GALNTL6: variants seen among roughly 807,000 people sequenced by gnomAD.
GALNTL6 encodes polypeptide N-acetylgalactosaminyltransferase like 6.
GALNTL6 carries 46 observed loss-of-function variants against 73.7 expected under a neutral mutation model. The observed-to-expected ratio is 0.62, with a 90% CI of 0.49 to 0.80. GALNTL6 has a LOEUF of 0.80. Ranked by LOEUF, GALNTL6 falls within the 30% of genes least tolerant of loss-of-function variation. The pLI is 0.00. For missense variants in GALNTL6, 604 were observed against 755.0 expected (o/e 0.80, Z 2.34); for synonymous variants, 259 against 263.7 (o/e 0.98, Z 0.17).
chr4:172,862,467 G>T (rs1202446293), intron 7 of GALNTL6, among the ~76,000 whole-genome samples: 1 of 152,206 alleles, frequency 6.6e-6, no homozygotes, highest in Non-Finnish European at 1.5e-5. Flanking sequence ...GGGAGGCCAA[G>T]ATGGGTGGAT....
intron 5 of GALNTL6, among the ~76,000 whole-genome samples, chr4:172,731,722 C>A (rs1736159561): frequency 1.3e-5 from 2 of 151,934 alleles, no homozygotes; most frequent in Admixed American, 1.3e-4. Flanking sequence ...TAGCTGTATT[C>A]CATAGAGTTT....
intron 7 of GALNTL6, among the ~76,000 whole-genome samples, chr4:172,868,851 A>T (rs1477096064): frequency 6.6e-6 from 1 of 152,124 alleles, no homozygotes; most frequent in Non-Finnish European, 1.5e-5. Context: ...TTTCCTTTTC[A>T]CTTTTCTTTC....
intron 5 of GALNTL6, among the ~76,000 whole-genome samples, chr4:172,725,419 C>T (rs1460090062): frequency 6.6e-6 from 1 of 152,172 alleles, no homozygotes; most frequent in Non-Finnish European, 1.5e-5. Context: ...TACTCCTAAA[C>T]TTAGCTTTGA....
At chr4:172,177,811 A>ATGTGTGTGTATATATACACACACATATG (rs1560955607) in intron 2 of GALNTL6, among the ~76,000 whole-genome samples, 1 of 135,410 alleles carries the variant, frequency 7.4e-6, no homozygotes, top group Non-Finnish European at 1.5e-5. Context: ...ACACACATAT[A>ATGTGTGTGTATATATACACACACATATG]TGTGTGTGTA....
At chr4:172,812,585 C>T (rs1045529157) in intron 6 of GALNTL6, among the ~76,000 whole-genome samples, 34 of 150,466 alleles carry the variant, frequency 2.3e-4, no homozygotes, top group African/African-American at 8.1e-4. Context: ...CTTAGCCACA[C>T]AGGAAAGGAA....
chr4:172,127,855 C>A (rs921063838), intron 2 of GALNTL6, among the ~76,000 whole-genome samples: 10 of 152,136 alleles, frequency 6.6e-5, no homozygotes, highest in Admixed American at 5.9e-4. Flanking sequence ...GAAATCCCAG[C>A]ACTTCGGGAG....
chr4:172,177,819 G>GTATATATACACATGTGTA (rs1554000104), intron 2 of GALNTL6, among the ~76,000 whole-genome samples: 589 of 130,924 alleles, frequency 4.5e-3, no homozygotes, highest in African/African-American at 6.5e-3. Context: ...ATATGTGTGT[G>GTATATATACACATGTGTA]TATATATACA....
rs1467603211 is a variant in GALNTL6 at position 172,844,204 on chromosome 4, C to T, written c.923+30481C>T. ...GAGCCATGTTCAACGTGCTTTCTGACAGAGAAAGTAACGTTTTCCACGGTG... is the reference window on the plus strand; with the variant it reads ...GAGCCATGTTCAACGTGCTTTCTGATAGAGAAAGTAACGTTTTCCACGGTG... On this transcript the variant is annotated intron_variant, in intron 7 of 12. Transcript: ENST00000506823. Among the ~76,000 whole-genome samples the T allele has an allele frequency of 2.6e-5, 4 of 152,188 alleles. No homozygotes were observed. The South Asian group carries it at 8.3e-4, about 32-fold the overall frequency.
intron 7 of GALNTL6, among the ~76,000 whole-genome samples, chr4:172,834,819 G>T (rs1292935343): frequency 6.6e-6 from 1 of 152,234 alleles, no homozygotes. Context: ...AGGGAGAAAT[G>T]GTGATATGAG....
intron 5 of GALNTL6, among the ~76,000 whole-genome samples, chr4:172,368,782 G>A (rs937223571): frequency 4.6e-5 from 7 of 152,198 alleles, no homozygotes; most frequent in Non-Finnish European, 1.0e-4. Flanking sequence ...GAATGAAGCC[G>A]CGGACCCTTG....
chr4:172,372,256 G>A (rs1024861178), intron 5 of GALNTL6, among the ~76,000 whole-genome samples: 1 of 152,190 alleles, frequency 6.6e-6, no homozygotes, highest in African/African-American at 2.4e-5. Flanking sequence ...TTGGCAGTCA[G>A]GCTTGATTGG....
intron 2 of GALNTL6, among the ~76,000 whole-genome samples, chr4:171,912,976 G>T (rs1737517907): frequency 6.6e-6 from 1 of 152,170 alleles, no homozygotes; most frequent in Non-Finnish European, 1.5e-5. Flanking sequence ...TTATTCACAT[G>T]ATTATTGTGA....
intron 2 of GALNTL6, among the ~76,000 whole-genome samples, chr4:171,873,011 G>T (rs1578929813): frequency 6.6e-6 from 1 of 152,096 alleles, no homozygotes; most frequent in South Asian, 2.1e-4. Flanking sequence ...CACATAAATC[G>T]TGAATCCTGA....
At chr4:172,465,954 A>G (rs946134025) in intron 5 of GALNTL6, among the ~76,000 whole-genome samples, 2 of 152,192 alleles carry the variant, frequency 1.3e-5, no homozygotes, top group African/African-American at 4.8e-5. Context: ...CCCATCCTAA[A>G]AGTCAGTTTT....
chr4:172,230,790 GT>G (rs1202917047), intron 3 of GALNTL6, among the ~76,000 whole-genome samples: 1 of 152,036 alleles, frequency 6.6e-6, no homozygotes, highest in Non-Finnish European at 1.5e-5. Context: ...CTACAGTTTG[GT>G]AAAGACATCT....
chr4:172,974,664 A>G (rs1750728181), intron 10 of GALNTL6, among the ~76,000 whole-genome samples: 1 of 152,122 alleles, frequency 6.6e-6, no homozygotes, highest in Non-Finnish European at 1.5e-5. Context: ...CCACCCACTC[A>G]GCCTGGCAGT....
rs151133041 is a variant in GALNTL6, at chr4:172,056,256, C to T, written c.139-173400C>T. Among the ~76,000 whole-genome samples, 37 of 152,154 alleles carry T rather than the reference C, an allele frequency of 2.4e-4. No individual in the cohort carries two copies. The East Asian group carries it at 6.6e-3, about 27-fold the overall frequency. ...CATAACATTGAAGTATGCATTTTAT[C>T]ATTCAACATTGTGCCAAAAGCATAA... is the stretch of plus-strand genomic sequence containing the variant. On this transcript the variant is annotated intron_variant, in intron 2 of 12. Transcript: ENST00000506823.
At chr4:172,294,254 T>C (rs1035579442) in intron 3 of GALNTL6, among the ~76,000 whole-genome samples, 3 of 152,170 alleles carry the variant, frequency 2.0e-5, no homozygotes, top group African/African-American at 7.2e-5. Flanking sequence ...TTCTTTATTT[T>C]CTTTATAGTT....
rs575399655 is a variant in GALNTL6, at chr4:171,845,939, T to C, written c.138+31221T>C. 8.0e-4 allele frequency among the ~76,000 whole-genome samples: 122 copies of C among 152,274 alleles called. 2 individuals carry two copies. The highest frequency in any genetic ancestry group is 2.4e-3 in the African/African-American group (100 of 41,566). ...CAGCTACTCAATGGTAGATAAAATT[T>C]TCTTATATAATATTTCTACGGGAGT... On this transcript the variant is annotated intron_variant, in intron 2 of 12. Transcript: ENST00000506823.
Sources: allele counts gnomAD v4.1 joint callset (sites outside exome capture counted in the v4.1 genomes callset), GRCh38; gene constraint gnomAD v4.1.1; transcripts MANE v1.5; gene names NCBI Gene and HGNC (gene_info 2026-07-23, HGNC 2026-07-21).